Variants in C1orf21 observed in about 807,000 individuals in gnomAD.
C1orf21 encodes uncharacterized protein C1orf21.
In C1orf21, 3 loss-of-function variants were observed where a neutral mutation model predicts 18.7. The ratio of observed to expected loss-of-function variants is 0.16; its 90% CI spans 0.07 to 0.42. The LOEUF (loss-of-function observed/expected upper bound fraction) is 0.42. Ranked by LOEUF, C1orf21 falls within the 10% of genes least tolerant of loss-of-function variation. The probability of loss-of-function intolerance (pLI) is 0.99; values close to 1 mark genes in which losing one functional copy is unlikely to be tolerated. For missense variants in C1orf21, 104 were observed against 143.6 expected (o/e 0.72, Z 1.41); for synonymous variants, 41 against 46.4 (o/e 0.88, Z 0.47).
intron 1 of C1orf21, among the ~76,000 whole-genome samples, chr1:184,398,694 C>G (rs751505132): frequency 6.6e-5 from 10 of 152,152 alleles, no homozygotes; most frequent in Non-Finnish European, 1.3e-4. Context: ...GGCTATAGAC[C>G]TGTACAATAC....
intron 1 of C1orf21, among the ~76,000 whole-genome samples, chr1:184,468,326 G>A (rs577718246): frequency 6.6e-6 from 1 of 152,186 alleles, no homozygotes; most frequent in South Asian, 2.1e-4. Context: ...CCGAGGCAGA[G>A]CACAAGGAGA....
intron 1 of C1orf21, among the ~76,000 whole-genome samples, chr1:184,405,969 T>C (rs1656241604): frequency 6.6e-6 from 1 of 152,224 alleles, no homozygotes; most frequent in Non-Finnish European, 1.5e-5. Flanking sequence ...TTTATAGTGA[T>C]ACTAAAACCC....
intron 3 of C1orf21, among the ~76,000 whole-genome samples, chr1:184,588,040 C>T (rs986236126): frequency 7.2e-5 from 11 of 152,080 alleles, no homozygotes; most frequent in South Asian, 4.2e-4. Context: ...CCAGGTTAGA[C>T]GGTTATCATG....
intron 2 of C1orf21, among the ~76,000 whole-genome samples, chr1:184,496,868 C>CT (rs1373822105): frequency 6.6e-6 from 1 of 152,148 alleles, no homozygotes; most frequent in East Asian, 1.9e-4. Flanking sequence ...TACTGCAGTT[C>CT]TTTTTTTCTA....
chr1:184,405,776 T>C (rs732959), intron 1 of C1orf21, among the ~76,000 whole-genome samples: 45,100 of 152,100 alleles, frequency 0.3, 10,304 homozygotes, highest in African/African-American at 0.65. Context: ...ATGACTGAAG[T>C]TCCTAAAGTT....
At chr1:184,403,317 T>C (rs183214536) in intron 1 of C1orf21, among the ~76,000 whole-genome samples, 37 of 152,120 alleles carry the variant, frequency 2.4e-4, no homozygotes, top group South Asian at 6.2e-4. Context: ...TAAAGATGAG[T>C]GGAAAAGCAA....
chr1:184,596,941 A>G (rs1268830233), intron 4 of C1orf21, among the ~76,000 whole-genome samples: 1 of 152,178 alleles, frequency 6.6e-6, no homozygotes, highest in Admixed American at 6.5e-5. Flanking sequence ...CCTCTATTAT[A>G]AGAATATGAA....
chr1:184,550,896 A>G (rs1014436554), intron 3 of C1orf21, among the ~76,000 whole-genome samples: 3 of 152,240 alleles, frequency 2.0e-5, no homozygotes, highest in Admixed American at 1.3e-4. Context: ...CTGGCTGTCT[A>G]GAGGTTGAGA....
chr1:184,522,162 AATATAG>A (rs1206860245), intron 3 of C1orf21, among the ~76,000 whole-genome samples: 2 of 152,204 alleles, frequency 1.3e-5, no homozygotes, highest in African/African-American at 2.4e-5. Context: ...TGCTTAGCTT[AATATAG>A]ATACAGATGG....
chr1:184,619,399 C>T, intron 5 of C1orf21, 119 bp from the exon 6 acceptor site: 1 of 1,103,254 alleles, frequency 9.1e-7, no homozygotes, highest in Non-Finnish European at 1.3e-6. Flanking sequence ...CTATCACTGA[C>T]AAAGCCTGGA....
chr1:184,491,713 G>T (rs756340726), intron 2 of C1orf21, among the ~76,000 whole-genome samples: 7 of 152,142 alleles, frequency 4.6e-5, no homozygotes, highest in Non-Finnish European at 7.3e-5. Context: ...TGGGCCACAG[G>T]CTATGAATCA....
At chr1:184,471,451 C>CT (rs967625652) in intron 1 of C1orf21, among the ~76,000 whole-genome samples, 2 of 151,904 alleles carry the variant, frequency 1.3e-5, no homozygotes, top group African/African-American at 4.8e-5. Context: ...TAAGACATGG[C>CT]TTTTTTTTAA....
At chr1:184,410,665 T>TATTTTA (rs1557965191) in intron 1 of C1orf21, among the ~76,000 whole-genome samples, 1 of 16,516 alleles carries the variant, frequency 6.1e-5, no homozygotes, top group Non-Finnish European at 8.8e-5. Context: ...ATATATATAT[T>TATTTTA]TTTTTTTTTT....
Position 184,507,572 on chromosome 1 carries a change from T to C in C1orf21, c.95-16T>C. On this transcript the variant is annotated splice_polypyrimidine_tract_variant and intron_variant, in intron 2 of 5. Transcript: ENST00000235307. The stretch of plus-strand genomic sequence containing the variant: ...GAAAAAAATTATAAAATGTGTTTTC[T>C]TTTTTTGGCACTCAGATGAGTATAG... 1 of 1,565,624 alleles carries C rather than the reference T, an allele frequency of 6.4e-7. No individual in the cohort carries two copies.
chr1:184,504,610 G>A (rs1658026147), intron 2 of C1orf21, among the ~76,000 whole-genome samples: 1 of 152,168 alleles, frequency 6.6e-6, no homozygotes, highest in Admixed American at 6.5e-5. Context: ...TTTCCAGATG[G>A]ATATCTTCCT....
chr1:184,472,068 C>T (rs1043064877), intron 1 of C1orf21, among the ~76,000 whole-genome samples: 2 of 152,054 alleles, frequency 1.3e-5, no homozygotes, highest in African/African-American at 4.8e-5. Flanking sequence ...CCTCGGTGGG[C>T]TGCTGTATTA....
chr1:184,520,585 T>C (rs2101968964), intron 3 of C1orf21, among the ~76,000 whole-genome samples: 1 of 152,324 alleles, frequency 6.6e-6, no homozygotes, highest in South Asian at 2.1e-4. Flanking sequence ...TTACTGCTCA[T>C]AATGTTTCAG....
chr1:184,575,347 CA>C (rs1659171178), intron 3 of C1orf21, among the ~76,000 whole-genome samples: 1 of 151,952 alleles, frequency 6.6e-6, no homozygotes, highest in Admixed American at 6.6e-5. Context: ...AATTATAGCA[CA>C]ACAGAGATGA....
chr1:184,403,080 T>G (rs1223957739), intron 1 of C1orf21, among the ~76,000 whole-genome samples: 1 of 152,228 alleles, frequency 6.6e-6, no homozygotes, highest in Non-Finnish European at 1.5e-5. Flanking sequence ...TATTACTGTT[T>G]TCTTTACCAG....
Sources: allele counts gnomAD v4.1 joint callset (sites outside exome capture counted in the v4.1 genomes callset), GRCh38; gene constraint gnomAD v4.1.1; transcripts MANE v1.5; gene names NCBI Gene and HGNC (gene_info 2026-07-23, HGNC 2026-07-21).